NIN: variants seen among roughly 807,000 people sequenced by gnomAD.
NIN encodes ninein, also known as glycogen synthase kinase 3 beta-interacting protein.
NIN carries 137 observed loss-of-function variants against 257.6 expected under a neutral mutation model. The ratio of observed to expected loss-of-function variants is 0.53; its 90% CI spans 0.46 to 0.61. The LOEUF is 0.61. Among genes scored for constraint, NIN ranks in the 20% least tolerant of loss-of-function variants. NIN has a pLI of 0.00. For missense variants in NIN, 2,439 were observed against 2,501.2 expected (o/e 0.98, Z 0.53); for synonymous variants, 918 against 919.8 (o/e 1.00, Z 0.04).
intron 3 of NIN, among the ~76,000 whole-genome samples, chr14:50,811,111 C>T (rs891995779): frequency 7.0e-6 from 1 of 142,096 alleles, no homozygotes; most frequent in Non-Finnish European, 1.5e-5. Context: ...GAAGCTATTA[C>T]TTTTTTTTTT....
intron 4 of NIN, among the ~76,000 whole-genome samples, chr14:50,801,087 C>CT (rs141791731): frequency 7.8e-4 from 69 of 88,212 alleles, no homozygotes; most frequent in African/African-American, 3.0e-3. Flanking sequence ...CTGCGCCCGG[C>CT]TTTTTTTTTT....
At chr14:50,822,685 G>A (rs749362689) in intron 2 of NIN, among the ~76,000 whole-genome samples, 85 of 152,244 alleles carry the variant, frequency 5.6e-4, no homozygotes, top group South Asian at 1.0e-3. Context: ...TGAACACGAC[G>A]TCTGCTACAA....
At chr14:50,726,529 C>T (rs1595690590) in intron 29 of NIN, 2 of 153,702 alleles carry the variant, frequency 1.3e-5, no homozygotes, top group East Asian at 3.8e-4. Context: ...TCTGTTTTTC[C>T]TTTGAAGTGG....
At chr14:50,753,127 C>T (rs1595772478) in intron 20 of NIN, among the ~76,000 whole-genome samples, 1 of 152,154 alleles carries the variant, frequency 6.6e-6, no homozygotes, top group African/African-American at 2.4e-5. Flanking sequence ...CAGGTGGGCA[C>T]GGTGGCTCAC....
intron 5 of NIN, among the ~76,000 whole-genome samples, chr14:50,788,942 A>C (rs1178910487): frequency 6.6e-6 from 1 of 152,206 alleles, no homozygotes; most frequent in African/African-American, 2.4e-5. Context: ...ACAAAAAGAA[A>C]AAGTCATTTG....
Position 50,756,726 on chromosome 14 carries a change from G to T in NIN, c.4304C>A (p.Thr1435Asn). Residue 1435 changes from threonine (T) to asparagine (N), a missense_variant, in exon 18 of 31, where the codon ACT (threonine) becomes AAT (asparagine). Thr to Asn is a moderately conservative substitution (Grantham distance 65, BLOSUM62 0). Transcript: ENST00000530997. ...VQNQVILEEN[T>N]TLLGFQDKHF... is the part of the protein sequence containing the mutation. The stretch of plus-strand genomic sequence containing the variant: ...TTTGTCTTGAAAGCCTAGGAGAGTA[G>T]TGTTTTCCTCCAGTATAACTTGATT... The T allele has an allele frequency of 6.4e-7, 1 of 1,551,642 alleles. No homozygotes were observed. The highest frequency in any genetic ancestry group is 1.2e-5 in the South Asian group (1 of 84,066).
At chr14:50,738,533 A>G (rs2041116419) in intron 26 of NIN, among the ~76,000 whole-genome samples, 1 of 152,178 alleles carries the variant, frequency 6.6e-6, no homozygotes, top group Admixed American at 6.5e-5. Flanking sequence ...TGGGTCTACT[A>G]ACTCTCCAGG....
At chr14:50,816,321 T>C (rs1354080312) in intron 3 of NIN, among the ~76,000 whole-genome samples, 2 of 152,168 alleles carry the variant, frequency 1.3e-5, no homozygotes, top group Non-Finnish European at 2.9e-5. Flanking sequence ...TTTACCTTTG[T>C]AACAAACCTG....
At position 50,723,127 on chromosome 14, in the gene NIN, T is replaced by C. The variant is rs537206643; in HGVS notation, c.*336A>G. The C allele has an allele frequency of 1.2e-5, 3 of 240,110 alleles. No individual in the cohort carries two copies. The highest frequency in any genetic ancestry group is 5.4e-5 in the Admixed American group (1 of 18,506). The allele number at this position is 240,110 out of a possible 1,614,324, so 14.9% of individuals were successfully genotyped here. On this transcript the variant is annotated 3_prime_UTR_variant, in exon 31 of 31. Transcript: ENST00000530997. Reference sequence around the variant, plus strand: ...ACTTCAAATATCTAGATTTTACACATAGATTTGTAATAATTAAAAAAAAAA... The same window carrying C: ...ACTTCAAATATCTAGATTTTACACACAGATTTGTAATAATTAAAAAAAAAA...
rs1003442812 is a variant in NIN at position 50,722,281 on chromosome 14, C to G, written c.*1182G>C. 9.0e-6 allele frequency: 2 copies of G among 222,142 alleles called. No homozygotes were observed. Among genetic ancestry groups the G allele is most frequent in the Non-Finnish European group, 1.8e-5 (2 of 111,220 alleles). The allele number at this position is 222,142 out of a possible 1,614,324, so 13.8% of individuals were successfully genotyped here. A position where few individuals can be genotyped will look rare whatever the true frequency, so the allele number is the denominator to read the frequency against. On this transcript the variant is annotated 3_prime_UTR_variant, in exon 31 of 31. Coordinates refer to ENST00000530997, the MANE Select transcript of NIN (RefSeq NM_020921.4). Reference sequence around the variant, plus strand: ...TCAGGTGGCATGCCAATGATTATCACAGTAAGAAATTCTTAGAATCAGATT... The same window carrying G: ...TCAGGTGGCATGCCAATGATTATCAGAGTAAGAAATTCTTAGAATCAGATT...
intron 28 of NIN, chr14:50,730,881 T>A: frequency 7.6e-7 from 1 of 1,315,248 alleles, no homozygotes; most frequent in African/African-American, 1.5e-5. Flanking sequence ...TTTAATGAGA[T>A]GGCTCCATGC....
rs939840224 is a variant in NIN at position 50,752,598 on chromosome 14, C to G, written c.4870G>C (p.Glu1624Gln). ...TCCTCCAATGCACTGTTTCCTGGCT[C>G]TTTTTCCTTCTGGCATAGCATTTCT... ...LTEMLCQKEK[E>Q]PGNSALEERE... is the part of the protein sequence containing the mutation. Residue 1624 changes from glutamate to glutamine, a missense_variant, in exon 21 of 31, where the codon GAG becomes CAG. Around this residue, in one of 3 missense-constraint regions of NIN, gnomAD observed 2,043 missense variants for 2,050.2 expected, o/e 1.00. Coordinates refer to ENST00000530997, the MANE Select transcript of NIN (RefSeq NM_020921.4). 8 of 1,613,910 alleles carry G rather than the reference C, an allele frequency of 5.0e-6. No homozygotes were observed. Among genetic ancestry groups the G allele is most frequent in the South Asian group, 3.3e-5 (3 of 91,080 alleles).
chr14:50,827,264 G>C (rs1386015474), intron 2 of NIN, among the ~76,000 whole-genome samples: 1 of 152,188 alleles, frequency 6.6e-6, no homozygotes, highest in East Asian at 1.9e-4. Flanking sequence ...AGTTTATATA[G>C]GAGAATACTT....
At chr14:50,809,366 G>A (rs1484068348) in intron 3 of NIN, among the ~76,000 whole-genome samples, 1 of 152,186 alleles carries the variant, frequency 6.6e-6, no homozygotes, top group Non-Finnish European at 1.5e-5. Flanking sequence ...CTGCAGAGTT[G>A]CCCAGCATCA....
chr14:50,750,602 A>C (rs1463987731), intron 21 of NIN, among the ~76,000 whole-genome samples: 1 of 152,218 alleles, frequency 6.6e-6, no homozygotes, highest in African/African-American at 2.4e-5. Flanking sequence ...GATAGTATCC[A>C]GTCAAGATAT....
At chr14:50,735,110 C>T (rs984550489) in intron 28 of NIN, among the ~76,000 whole-genome samples, 9 of 152,100 alleles carry the variant, frequency 5.9e-5, no homozygotes, top group African/African-American at 1.4e-4. Flanking sequence ...TCAAATTTCC[C>T]GCATGGATTT....
At chr14:50,724,580 T>C (rs191838434) in intron 30 of NIN, among the ~76,000 whole-genome samples, 9 of 152,292 alleles carry the variant, frequency 5.9e-5, no homozygotes, top group African/African-American at 2.2e-4. Context: ...AACACTTTGA[T>C]GGTTCTTCAT....
intron 5 of NIN, among the ~76,000 whole-genome samples, chr14:50,789,707 A>T (rs372702671): frequency 1.3e-5 from 2 of 152,142 alleles, no homozygotes; most frequent in Non-Finnish European, 2.9e-5. Context: ...GCTGGGGGCC[A>T]CTCTAGAACA....
intron 3 of NIN, among the ~76,000 whole-genome samples, chr14:50,814,146 G>C (rs560393125): frequency 1.3e-5 from 2 of 152,042 alleles, no homozygotes; most frequent in Non-Finnish European, 2.9e-5. Context: ...AATGTAGAGA[G>C]AGGCAAAGGC....
Sources: allele counts gnomAD v4.1 joint callset (sites outside exome capture counted in the v4.1 genomes callset), GRCh38; gene constraint gnomAD v4.1.1; regional missense constraint gnomAD v4.1.1; transcripts MANE v1.5; gene names NCBI Gene and HGNC (gene_info 2026-07-23, HGNC 2026-07-21).